Variants in VPS8 observed in about 807,000 individuals in gnomAD.
VPS8 encodes VPS8 subunit of CORVET complex, also known as vacuolar protein sorting-associated protein 8 homolog.
In VPS8, 129 loss-of-function variants were observed where a neutral mutation model predicts 216.4. That is an observed-to-expected ratio of 0.60 (90% CI 0.52 to 0.69). The LOEUF (loss-of-function observed/expected upper bound fraction) is 0.69. VPS8 is among the 30% of genes least tolerant of loss of function. The probability of loss-of-function intolerance (pLI) is 0.00; values close to 1 mark genes in which losing one functional copy is unlikely to be tolerated. For synonymous variants in VPS8, 571 were observed against 565.4 expected (o/e 1.01, Z -0.14); for missense variants, 1,531 against 1,683.5 (o/e 0.91, Z 1.59).
intron 1 of VPS8, among the ~76,000 whole-genome samples, chr3:184,814,905 A>T (rs1398666539): frequency 6.6e-6 from 1 of 152,250 alleles, no homozygotes; most frequent in East Asian, 1.9e-4. Context: ...TTGTGATAAA[A>T]CTTAGCTTAA....
intron 25 of VPS8, among the ~76,000 whole-genome samples, chr3:184,910,668 T>C (rs1736344205): frequency 6.6e-6 from 1 of 152,240 alleles, no homozygotes; most frequent in South Asian, 2.1e-4. Flanking sequence ...ATTCCCCAAC[T>C]CTATTCCATA....
intron 28 of VPS8, among the ~76,000 whole-genome samples, chr3:184,918,415 T>A (rs1440083796): frequency 6.6e-6 from 1 of 152,242 alleles, no homozygotes; most frequent in Non-Finnish European, 1.5e-5. Flanking sequence ...CATTAGTACA[T>A]CTTTGCATAT....
rs746201956 is a variant in VPS8, at chr3:184,928,554, A to G, written c.2714+21A>G. 17 of 1,440,932 alleles carry G rather than the reference A, an allele frequency of 1.2e-5. No homozygotes were observed. The African/African-American group carries it at 2.1e-4, about 18-fold the overall frequency. The allele number at this position is 1,440,932 out of a possible 1,614,324, so 89.3% of individuals were successfully genotyped here. A position where few individuals can be genotyped will look rare whatever the true frequency, so the allele number is the denominator to read the frequency against. On this transcript the variant is annotated intron_variant, in intron 32 of 47. Coordinates refer to ENST00000625842, the MANE Select transcript of VPS8 (RefSeq NM_001009921.3). The stretch of plus-strand genomic sequence containing the variant: ...GAGTTGTAAGTTGTTTTGAGGCTGT[A>G]TATTAGTTTGCCATAGAAATATTAA...
chr3:184,959,867 C>G (rs1340760854), intron 37 of VPS8, among the ~76,000 whole-genome samples: 1 of 150,428 alleles, frequency 6.6e-6, no homozygotes, highest in African/African-American at 2.4e-5. Context: ...ACTTTAAGTT[C>G]TAGTATACAT....
chr3:184,989,671 T>C (rs1038587479), intron 42 of VPS8, among the ~76,000 whole-genome samples: 5 of 152,252 alleles, frequency 3.3e-5, no homozygotes, highest in Admixed American at 2.0e-4. Context: ...AATTTGCTAA[T>C]ATTTTGTTGA....
Position 184,838,705 on chromosome 3 carries a change from T to C in VPS8, c.448-9T>C. ...ATTTTTCAAATACTTTCTTTAAAAT[T>C]TCATTTAGGACAAAGTAGATGCTGG... On this transcript the variant is annotated splice_polypyrimidine_tract_variant and intron_variant, in intron 5 of 47. Coordinates refer to ENST00000625842, the MANE Select transcript of VPS8 (RefSeq NM_001009921.3). 1 of 1,535,772 alleles carries C rather than the reference T, an allele frequency of 6.5e-7. No individual in the cohort carries two copies. The highest frequency in any genetic ancestry group is 1.3e-5 in the South Asian group (1 of 79,526).
intron 8 of VPS8, among the ~76,000 whole-genome samples, chr3:184,843,679 A>G (rs950533493): frequency 3.9e-5 from 6 of 152,266 alleles, no homozygotes; most frequent in African/African-American, 1.2e-4. Context: ...TTTTAACAAA[A>G]CTTTCAGTCT....
rs138928382 is a variant in VPS8 at position 184,994,860 on chromosome 3, C to T, written c.3666+797C>T. Among the ~76,000 whole-genome samples, 673 of 152,326 alleles carry T rather than the reference C, an allele frequency of 4.4e-3. 7 individuals carry two copies. Among genetic ancestry groups the T allele is most frequent in the African/African-American group, 0.015 (632 of 41,580 alleles). ...AAAGAGGTTTATTGGACTTACAGTT[C>T]CAGGTGGCTGGGGAGCCCTCACAAT... is the stretch of plus-strand genomic sequence containing the variant. On this transcript the variant is annotated intron_variant, in intron 43 of 47. Transcript: ENST00000625842.
chr3:184,863,570 T>G (rs540316928), intron 16 of VPS8, among the ~76,000 whole-genome samples: 11 of 152,136 alleles, frequency 7.2e-5, no homozygotes, highest in Middle Eastern at 3.4e-3. Flanking sequence ...TAGAAATAGG[T>G]GATAGATGAG....
chr3:184,928,460 G>C lies in VPS8; in HGVS notation c.2641G>C (p.Glu881Gln). Reference sequence around the variant, plus strand: ...TATTGTAAATACTCAGGTCCTTTTAGAATTGCTGCAGGCTGGAGGCATAGT... The same window carrying C: ...TATTGTAAATACTCAGGTCCTTTTACAATTGCTGCAGGCTGGAGGCATAGT... ...RHSERQQVLL[E>Q]LLQAGGIVQF... The change falls in exon 32 of 48, where the codon GAA (glutamate) becomes CAA (glutamine). Residue 881 changes from glutamate to glutamine, a missense_variant. Glu to Gln is a conservative substitution (Grantham distance 29). Coordinates refer to ENST00000625842, the MANE Select transcript of VPS8 (RefSeq NM_001009921.3). 3 of 1,531,170 alleles carry C rather than the reference G, an allele frequency of 2.0e-6. No homozygotes were observed. Among genetic ancestry groups the C allele is most frequent in the Non-Finnish European group, 2.6e-6 (3 of 1,151,608 alleles). The allele number at this position is 1,531,170 out of a possible 1,614,324, so 94.8% of individuals were successfully genotyped here.
At chr3:185,045,308 G>A (rs986163372) in intron 46 of VPS8, among the ~76,000 whole-genome samples, 38 of 152,254 alleles carry the variant, frequency 2.5e-4, no homozygotes, top group African/African-American at 8.4e-4. Context: ...AGTAAGAAAC[G>A]AACAAGCCGA....
chr3:184,841,592 T>C (rs1374275276), intron 7 of VPS8, among the ~76,000 whole-genome samples: 2 of 152,190 alleles, frequency 1.3e-5, no homozygotes, highest in Non-Finnish European at 2.9e-5. Context: ...ATTGCTTGGA[T>C]TAGGAGATGA....
intron 25 of VPS8, among the ~76,000 whole-genome samples, chr3:184,911,256 C>A (rs1269052053): frequency 6.6e-6 from 1 of 152,152 alleles, no homozygotes; most frequent in Non-Finnish European, 1.5e-5. Flanking sequence ...ACAGAAATGT[C>A]ACATACTCTG....
intron 21 of VPS8, among the ~76,000 whole-genome samples, chr3:184,883,294 C>T (rs1010763583): frequency 2.0e-5 from 3 of 152,122 alleles, no homozygotes; most frequent in African/African-American, 7.2e-5. Context: ...TCATTGTTTC[C>T]TCTGATAACT....
At chr3:184,901,174 T>A in intron 25 of VPS8, 1 of 556,776 alleles carries the variant, frequency 1.8e-6, no homozygotes, top group Non-Finnish European at 3.2e-6. Context: ...TACTTGATCC[T>A]TTCCCCACAG....
chr3:185,011,318 A>T (rs1754992568), intron 45 of VPS8, among the ~76,000 whole-genome samples: 1 of 152,232 alleles, frequency 6.6e-6, no homozygotes, highest in Non-Finnish European at 1.5e-5. Context: ...CGAGCTCTAC[A>T]TTTAACCAGC....
chr3:184,948,950 G>T (rs577356615), intron 36 of VPS8, among the ~76,000 whole-genome samples: 1 of 151,964 alleles, frequency 6.6e-6, no homozygotes, highest in Non-Finnish European at 1.5e-5. Context: ...TCCTTCCTAC[G>T]TAGGAGAACA....
intron 46 of VPS8, among the ~76,000 whole-genome samples, chr3:185,036,201 A>G (rs1247833952): frequency 1.3e-5 from 2 of 152,254 alleles, no homozygotes; most frequent in Admixed American, 6.5e-5. Context: ...AGCAATTTAC[A>G]GTCAGTGCTA....
chr3:185,045,666 C>G (rs1388871642), intron 46 of VPS8, among the ~76,000 whole-genome samples: 3 of 150,940 alleles, frequency 2.0e-5, no homozygotes, highest in African/African-American at 7.3e-5. Context: ...TCCTACTCAG[C>G]TGAGGTAGTA....
Sources: gnomAD v4.1 joint callset for allele counts (sites outside exome capture counted in the v4.1 genomes callset) on GRCh38, gnomAD v4.1.1 for gene constraint, MANE v1.5 for transcripts, NCBI Gene and HGNC (gene_info 2026-07-23, HGNC 2026-07-21) for gene names.